The following ARHGAP8 variants were observed in gnomAD, a reference collection of about 807,000 sequenced individuals.
ARHGAP8 encodes Rho GTPase activating protein 8.
In ARHGAP8, 62 loss-of-function variants were observed where a neutral mutation model predicts 46.1. That is an observed-to-expected ratio of 1.34 (90% confidence interval 1.10 to 1.66). ARHGAP8 has a LOEUF of 1.66. Ranked by LOEUF, ARHGAP8 falls within the 40% of genes most tolerant of loss-of-function variation. The pLI is 0.00. For synonymous variants in ARHGAP8, 375 were observed against 243.1 expected (o/e 1.54, Z -5.05); for missense variants, 923 against 568.4 (o/e 1.62, Z -6.34).
intron 7 of ARHGAP8, among the ~76,000 whole-genome samples, chr22:44,843,225 T>C (rs1430642665): frequency 6.6e-6 from 1 of 152,228 alleles, no homozygotes; most frequent in Non-Finnish European, 1.5e-5. Context: ...TAAAGCTGTG[T>C]ATTTCAGAAA....
At chr22:44,859,437 A>C (rs1174984889) in intron 10 of ARHGAP8, among the ~76,000 whole-genome samples, 2 of 152,184 alleles carry the variant, frequency 1.3e-5, no homozygotes, top group African/African-American at 4.8e-5. Context: ...AAGCCTCCTG[A>C]GGCTTCTCCA....
intron 10 of ARHGAP8, among the ~76,000 whole-genome samples, chr22:44,857,867 TGCTCAGTGACATTGGCGGTTGTGAC>T (rs913370211): frequency 7.2e-5 from 11 of 152,028 alleles, no homozygotes; most frequent in African/African-American, 2.2e-4. Flanking sequence ...TCATAGGGAG[TGCTCAGTGACATTGGCGGTTGTGAC>T]GCTCAGCTCA....
At chr22:44,793,665 C>A (rs540336698) in intron 2 of ARHGAP8, among the ~76,000 whole-genome samples, 5 of 152,126 alleles carry the variant, frequency 3.3e-5, no homozygotes, top group Non-Finnish European at 5.9e-5. Flanking sequence ...CTGTGGGAAT[C>A]GTTTCTTTAT....
intron 10 of ARHGAP8, chr22:44,859,518 TATAA>T (rs2070359611): frequency 3.4e-6 from 2 of 588,770 alleles, no homozygotes; most frequent in South Asian, 2.1e-5. Context: ...CCTCTTTTCT[TATAA>T]ATAACCCCAT....
intron 5 of ARHGAP8, among the ~76,000 whole-genome samples, chr22:44,822,077 G>A (rs1003456772): frequency 3.9e-5 from 6 of 152,194 alleles, no homozygotes; most frequent in African/African-American, 9.7e-5. Context: ...GCACTTCCGC[G>A]CTATCTCCTA....
chr22:44,754,338 T>TTGTG (rs35257490), intron 1 of ARHGAP8, among the ~76,000 whole-genome samples: 2,050 of 146,604 alleles, frequency 0.014, 20 homozygotes, highest in Middle Eastern at 0.024. Flanking sequence ...CATTGAAACT[T>TTGTG]TGTGTGTGTG....
At chr22:44,784,964 C>T (rs1927107539) in intron 1 of ARHGAP8, among the ~76,000 whole-genome samples, 1 of 152,168 alleles carries the variant, frequency 6.6e-6, no homozygotes, top group African/African-American at 2.4e-5. Context: ...TTGGCCCCAT[C>T]CCCCGCCCCA....
At chr22:44,769,557 C>G (rs1602149905) in intron 1 of ARHGAP8, among the ~76,000 whole-genome samples, 1 of 152,146 alleles carries the variant, frequency 6.6e-6, no homozygotes, top group East Asian at 1.9e-4. Flanking sequence ...GAGTTGATAT[C>G]GTTAACAATA....
intron 10 of ARHGAP8, among the ~76,000 whole-genome samples, chr22:44,851,373 A>G (rs2070088758): frequency 6.6e-6 from 1 of 152,038 alleles, no homozygotes; most frequent in Non-Finnish European, 1.5e-5. Context: ...TAAGTTTTAC[A>G]TGACACAGGA....
intron 2 of ARHGAP8, among the ~76,000 whole-genome samples, chr22:44,788,614 G>A (rs745893690): frequency 2.7e-4 from 41 of 151,930 alleles, no homozygotes; most frequent in Admixed American, 2.6e-4. Flanking sequence ...GGCTGGTCTC[G>A]AACTCCTGAC....
chr22:44,815,133 C>A (rs1929643417), intron 5 of ARHGAP8, among the ~76,000 whole-genome samples: 1 of 152,210 alleles, frequency 6.6e-6, no homozygotes, highest in African/African-American at 2.4e-5. Flanking sequence ...TTTAAGTCAG[C>A]AAAGGTAAAA....
chr22:44,773,052 GTT>G (rs771855827), intron 1 of ARHGAP8, among the ~76,000 whole-genome samples: 218 of 152,066 alleles, frequency 1.4e-3, no homozygotes, highest in Non-Finnish European at 8.1e-4. Context: ...CTGGGCTTAA[GTT>G]ACCTTCCTGC....
chr22:44,808,249 T>G (rs1929070630), intron 3 of ARHGAP8, 58 bp from the exon 4 acceptor site: 1 of 1,576,526 alleles, frequency 6.3e-7, no homozygotes, highest in African/African-American at 1.3e-5. Flanking sequence ...GGAAAGCACG[T>G]TTGGTTTCAA....
chr22:44,797,088 C>A (rs1472743617), intron 2 of ARHGAP8, among the ~76,000 whole-genome samples: 1 of 152,212 alleles, frequency 6.6e-6, no homozygotes, highest in Non-Finnish European at 1.5e-5. Flanking sequence ...CATCTTCTCT[C>A]CCCGGAGCTG....
At chr22:44,808,684 C>G (rs1057087871) in intron 4 of ARHGAP8, 2 of 703,302 alleles carry the variant, frequency 2.8e-6, no homozygotes, top group African/African-American at 3.5e-5. Context: ...ACGGTCTCAC[C>G]CAGCCACCAT....
At chr22:44,811,568 TA>T (rs1391318638) in intron 4 of ARHGAP8, among the ~76,000 whole-genome samples, 2 of 152,100 alleles carry the variant, frequency 1.3e-5, no homozygotes, top group African/African-American at 4.8e-5. Context: ...GGAGGTTGGA[TA>T]GGGGTAGGGG....
At chr22:44,839,365 C>G (rs190533347) in intron 7 of ARHGAP8, among the ~76,000 whole-genome samples, 1 of 152,294 alleles carries the variant, frequency 6.6e-6, no homozygotes, top group African/African-American at 2.4e-5. Flanking sequence ...TGAAACCAAA[C>G]CACCCATCGA....
intron 2 of ARHGAP8, among the ~76,000 whole-genome samples, chr22:44,795,050 AAAAAC>A (rs1927980806): frequency 6.6e-6 from 1 of 151,872 alleles, no homozygotes; most frequent in Non-Finnish European, 1.5e-5. Context: ...CAAAAAAAAA[AAAAAC>A]AAAAAACGAA....
chr22:44,808,639 C>CTT (rs145924864), intron 4 of ARHGAP8: 38,278 of 948,138 alleles, frequency 0.04, 1,467 homozygotes, highest in African/African-American at 0.21. Flanking sequence ...GGTTGGCACT[C>CTT]ATTTTTTTTT....
Sources: gnomAD v4.1 joint callset for allele counts (sites outside exome capture counted in the v4.1 genomes callset) on GRCh38, gnomAD v4.1.1 for gene constraint, MANE v1.5 for transcripts, NCBI Gene and HGNC (gene_info 2026-07-23, HGNC 2026-07-21) for gene names.